Variants in ATG5 observed in about 807,000 individuals in gnomAD.
The protein encoded by ATG5 is autophagy related 5.
Under a neutral mutation model 36.5 loss-of-function variants are expected in ATG5, and 14 were observed. That is an observed-to-expected ratio of 0.38 (90% confidence interval 0.25 to 0.60). The LOEUF is 0.60. Among genes scored for constraint, ATG5 ranks in the 20% least tolerant of loss-of-function variants. ATG5 has a pLI of 0.60. For synonymous variants in ATG5, 95 were observed against 101.5 expected, an observed-to-expected ratio of 0.94 and a Z score of 0.38; for missense variants, 195 against 326.7, an observed-to-expected ratio of 0.60 and a Z score of 3.11.
chr6:106,204,842 A>G (rs572472069), intron 6 of ATG5, among the ~76,000 whole-genome samples: 213 of 152,334 alleles, frequency 1.4e-3, no homozygotes, highest in Non-Finnish European at 2.4e-3. Context: ...ATTTCTTTAA[A>G]GCAGAGTGAA....
At chr6:106,299,031 C>T (rs959871285) in intron 3 of ATG5, among the ~76,000 whole-genome samples, 1 of 152,118 alleles carries the variant, frequency 6.6e-6, no homozygotes, top group Non-Finnish European at 1.5e-5. Flanking sequence ...TAAATCATAA[C>T]GTAACCATTG....
intron 6 of ATG5, among the ~76,000 whole-genome samples, chr6:106,238,649 T>C (rs1207027197): frequency 2.6e-5 from 4 of 152,160 alleles, no homozygotes; most frequent in African/African-American, 4.8e-5. Flanking sequence ...ATCCTTTCTA[T>C]TCCTGAGGCA....
chr6:106,277,570 T>G (rs1438878938), intron 5 of ATG5, among the ~76,000 whole-genome samples: 1 of 152,238 alleles, frequency 6.6e-6, no homozygotes, highest in East Asian at 1.9e-4. Flanking sequence ...ATCCCAGCAC[T>G]TTGGGAGGCC....
chr6:106,202,155 A>G lies in ATG5; in HGVS notation c.574-66T>C. The G allele has an allele frequency of 2.4e-6, 3 of 1,275,240 alleles. 1 individual carries two copies. The highest frequency in any genetic ancestry group is 2.4e-5 in the South Asian group (2 of 82,878). 79.0% of individuals were successfully genotyped at this position (1,275,240 alleles called of 1,614,324 possible). On this transcript the variant is annotated intron_variant, in intron 6 of 7. Coordinates refer to ENST00000369076, the MANE Select transcript of ATG5 (RefSeq NM_004849.4). ...TTGTTGCTGCCAATTACAAATTTAT[A>G]TATCATAAACTTTATGTTGGCATTA...
chr6:106,226,730 G>C (rs1185518802), intron 6 of ATG5, among the ~76,000 whole-genome samples: 1 of 152,088 alleles, frequency 6.6e-6, no homozygotes, highest in Non-Finnish European at 1.5e-5. Flanking sequence ...TATCCATGTT[G>C]TTGCATGTAT....
chr6:106,241,948 A>T (rs1164669953), intron 6 of ATG5, among the ~76,000 whole-genome samples: 4 of 151,924 alleles, frequency 2.6e-5, no homozygotes, highest in Admixed American at 6.6e-5. Flanking sequence ...CACCACCACC[A>T]TGATGGTTCT....
At chr6:106,293,231 G>A in intron 3 of ATG5, 125 bp from the exon 4 acceptor site, 1 of 752,946 alleles carries the variant, frequency 1.3e-6, no homozygotes, top group Non-Finnish European at 2.2e-6. Context: ...ATCACAGGAA[G>A]ACTACATTCT....
intron 6 of ATG5, among the ~76,000 whole-genome samples, chr6:106,227,846 T>C (rs1406367904): frequency 1.3e-5 from 2 of 152,202 alleles, no homozygotes; most frequent in Non-Finnish European, 2.9e-5. Flanking sequence ...GAACAGGATA[T>C]AAAATCTTAT....
At chr6:106,186,714 A>C (rs1390531555) in intron 7 of ATG5, 38 bp from the exon 8 acceptor site, 4 of 1,603,346 alleles carry the variant, frequency 2.5e-6, no homozygotes, top group Middle Eastern at 1.7e-4. Flanking sequence ...ATAAAAGTCA[A>C]AACAGTTGAA....
chr6:106,193,883 T>C (rs1776070370), intron 7 of ATG5, among the ~76,000 whole-genome samples: 2 of 152,344 alleles, frequency 1.3e-5, no homozygotes, highest in Non-Finnish European at 2.9e-5. Context: ...TGTCTGCATA[T>C]ACTATTATTT....
At chr6:106,293,209 C>T in intron 3 of ATG5, 103 bp from the exon 4 acceptor site, 1 of 878,386 alleles carries the variant, frequency 1.1e-6, no homozygotes, top group Non-Finnish European at 1.8e-6. Context: ...ATGTCAGGGG[C>T]TTTAATCACA....
intron 6 of ATG5, among the ~76,000 whole-genome samples, chr6:106,214,370 T>C (rs1372905908): frequency 6.6e-6 from 1 of 152,128 alleles, no homozygotes; most frequent in Non-Finnish European, 1.5e-5. Context: ...TTATCCTTTA[T>C]GTAGAGAAAT....
chr6:106,223,762 A>T (rs191136158), intron 6 of ATG5, among the ~76,000 whole-genome samples: 279 of 152,354 alleles, frequency 1.8e-3, no homozygotes, highest in Non-Finnish European at 3.2e-3. Context: ...ATTTAAAAAT[A>T]GCTCATGATA....
intron 2 of ATG5, among the ~76,000 whole-genome samples, chr6:106,313,936 T>A (rs1202438174): frequency 6.6e-6 from 1 of 152,198 alleles, no homozygotes; most frequent in East Asian, 1.9e-4. Flanking sequence ...AAATTCCAGT[T>A]TTTTGTTTTA....
rs1582663178 is a variant in ATG5, at chr6:106,293,039, C to T, written c.304G>A (p.Val102Ile). The change falls in exon 4 of 8, where the codon GTA (valine) becomes ATA (isoleucine). Residue 102 changes from valine to isoleucine, a missense_variant. Transcript: ENST00000369076. Reference sequence around the variant, plus strand: ...GCAATTTACTATACCTTAAAATGTACTGTGATGTTCCAAGGAAGAGCTGAA... The same window carrying T: ...GCAATTTACTATACCTTAAAATGTATTGTGATGTTCCAAGGAAGAGCTGAA... ...SSSALPWNITVHFKSFPEKDL... is the reference protein window; with the variant it reads ...SSSALPWNITIHFKSFPEKDL... The T allele has an allele frequency of 6.2e-7, 1 of 1,612,534 alleles. No homozygotes were observed. The highest frequency in any genetic ancestry group is 2.2e-5 in the East Asian group (1 of 44,810).
At chr6:106,285,265 T>C (rs970152263) in intron 4 of ATG5, among the ~76,000 whole-genome samples, 1 of 152,236 alleles carries the variant, frequency 6.6e-6, no homozygotes, top group Non-Finnish European at 1.5e-5. Context: ...TGTGGTTTTT[T>C]TAAGTTACTG....
At chr6:106,311,239 C>A (rs1258500574) in intron 2 of ATG5, among the ~76,000 whole-genome samples, 1 of 152,112 alleles carries the variant, frequency 6.6e-6, no homozygotes, top group Non-Finnish European at 1.5e-5. Context: ...AAGAGTCCTT[C>A]CCCTTATACA....
chr6:106,246,435 TTCTCTC>T (rs145623033), intron 6 of ATG5, among the ~76,000 whole-genome samples: 2 of 125,832 alleles, frequency 1.6e-5, no homozygotes, highest in African/African-American at 5.9e-5. Flanking sequence ...CACACACCCT[TTCTCTC>T]TCTCTCTCTC....
intron 6 of ATG5, among the ~76,000 whole-genome samples, chr6:106,217,991 T>C (rs1777102562): frequency 6.6e-6 from 1 of 152,234 alleles, no homozygotes; most frequent in Non-Finnish European, 1.5e-5. Context: ...GCTTAACTTA[T>C]GATTATTAAA....
Sources: gnomAD v4.1 joint callset for allele counts (sites outside exome capture counted in the v4.1 genomes callset) on GRCh38, gnomAD v4.1.1 for gene constraint, MANE v1.5 for transcripts, NCBI Gene and HGNC (gene_info 2026-07-23, HGNC 2026-07-21) for gene names.